Variants in NNT observed in about 807,000 individuals in gnomAD.
NNT encodes the protein NAD(P) transhydrogenase, mitochondrial.
In NNT, 50 loss-of-function variants were observed where a neutral mutation model predicts 104.8. The observed-to-expected ratio is 0.48, with a 90% CI of 0.38 to 0.60. The LOEUF is 0.60. Ranked by LOEUF, NNT falls within the 20% of genes least tolerant of loss-of-function variation. The pLI is 0.00. For missense variants in NNT, 1,131 were observed against 1,330.7 expected (o/e 0.85, Z 2.33); for synonymous variants, 461 against 490.4 (o/e 0.94, Z 0.79).
chr5:43,623,378 G>A (rs1011568255), intron 5 of NNT, among the ~76,000 whole-genome samples: 2 of 152,246 alleles, frequency 1.3e-5, no homozygotes, highest in East Asian at 3.9e-4. Context: ...CTTAGAAGGC[G>A]GGGGTAGGGG....
intron 3 of NNT, among the ~76,000 whole-genome samples, chr5:43,614,686 T>C (rs1749681566): frequency 6.6e-6 from 1 of 152,214 alleles, no homozygotes; most frequent in Admixed American, 6.5e-5. Context: ...ATTTAAAACA[T>C]AAGTCCCAGA....
At chr5:43,630,376 C>A (rs2111712508) in intron 7 of NNT, among the ~76,000 whole-genome samples, 1 of 152,204 alleles carries the variant, frequency 6.6e-6, no homozygotes, top group African/African-American at 2.4e-5. Context: ...AAATACAGAT[C>A]ATTTGAAGTT....
At chr5:43,668,240 G>A (rs1219985230) in intron 17 of NNT, among the ~76,000 whole-genome samples, 2 of 87,472 alleles carry the variant, frequency 2.3e-5, no homozygotes, top group African/African-American at 1.2e-4. Flanking sequence ...TCACTCTGAT[G>A]GTGGTTTTTT....
intron 19 of NNT, among the ~76,000 whole-genome samples, chr5:43,686,792 GC>G (rs1742013907): frequency 6.6e-6 from 1 of 152,054 alleles, no homozygotes; most frequent in South Asian, 2.1e-4. Flanking sequence ...TGTATGAAAA[GC>G]TTTTTATACA....
intron 17 of NNT, among the ~76,000 whole-genome samples, chr5:43,672,453 A>G (rs1314645903): frequency 6.6e-6 from 1 of 152,190 alleles, no homozygotes; most frequent in Non-Finnish European, 1.5e-5. Flanking sequence ...TGACGTACAG[A>G]TGAGGTTTTG....
At chr5:43,604,247 G>A (rs752569191) in intron 1 of NNT, among the ~76,000 whole-genome samples, 9 of 152,226 alleles carry the variant, frequency 5.9e-5, no homozygotes, top group Non-Finnish European at 1.3e-4. Context: ...TGGTCTGTTT[G>A]TCAGGAGTCT....
chr5:43,672,825 A>G (rs1233343436), intron 17 of NNT, among the ~76,000 whole-genome samples: 2 of 152,232 alleles, frequency 1.3e-5, no homozygotes, highest in African/African-American at 2.4e-5. Context: ...AGACAGGGAC[A>G]TGTAAGTCTG....
intron 19 of NNT, among the ~76,000 whole-genome samples, chr5:43,680,620 G>A (rs1741653950): frequency 6.6e-6 from 1 of 152,142 alleles, no homozygotes; most frequent in Non-Finnish European, 1.5e-5. Flanking sequence ...TGGCTTCATG[G>A]CCCATGATTG....
At chr5:43,634,987 G>T (rs1242332494) in intron 7 of NNT, among the ~76,000 whole-genome samples, 13 of 152,186 alleles carry the variant, frequency 8.5e-5, no homozygotes, top group Admixed American at 8.5e-4. Flanking sequence ...CTTTCCCTGG[G>T]TTGTAAAGGA....
chr5:43,679,273 G>A (rs1249429066), intron 19 of NNT, among the ~76,000 whole-genome samples: 2 of 152,206 alleles, frequency 1.3e-5, no homozygotes, highest in African/African-American at 2.4e-5. Flanking sequence ...TAGTCCAGAT[G>A]TGAAAAAGTG....
chr5:43,621,003 T>C (rs1750058350), intron 5 of NNT, among the ~76,000 whole-genome samples: 1 of 152,246 alleles, frequency 6.6e-6, no homozygotes, highest in South Asian at 2.1e-4. Flanking sequence ...AAAATTTAAA[T>C]TGCAGCTTAA....
intron 19 of NNT, among the ~76,000 whole-genome samples, chr5:43,696,956 A>C (rs1386912041): frequency 6.6e-6 from 1 of 152,178 alleles, no homozygotes; most frequent in Non-Finnish European, 1.5e-5. Flanking sequence ...GGCCTGTTGC[A>C]AAGGTCGCTG....
chr5:43,650,198 TA>T (rs758137946), intron 11 of NNT, among the ~76,000 whole-genome samples: 30 of 152,254 alleles, frequency 2.0e-4, no homozygotes, highest in Non-Finnish European at 3.8e-4. Context: ...GCTAGAAAGT[TA>T]AAAGAAAGTC....
intron 1 of NNT, among the ~76,000 whole-genome samples, chr5:43,604,580 C>G (rs1561255708): frequency 6.6e-6 from 1 of 152,162 alleles, no homozygotes; most frequent in Non-Finnish European, 1.5e-5. Context: ...CTGACTTCCT[C>G]TGTGTTGTGC....
chr5:43,629,219 A>G (rs145278679), intron 7 of NNT, among the ~76,000 whole-genome samples: 4 of 152,138 alleles, frequency 2.6e-5, no homozygotes, highest in African/African-American at 9.6e-5. Context: ...TCCACTTTTA[A>G]CAATGTTTAG....
At chr5:43,619,950 C>G (rs1466590956) in intron 5 of NNT, among the ~76,000 whole-genome samples, 1 of 152,038 alleles carries the variant, frequency 6.6e-6, no homozygotes, top group Non-Finnish European at 1.5e-5. Flanking sequence ...GAGAGAGAAA[C>G]TGAGGGAGCC....
chr5:43,700,090 G>T, intron 19 of NNT, 29 bp from the exon 20 acceptor site: 1 of 1,567,138 alleles, frequency 6.4e-7, no homozygotes, highest in Non-Finnish European at 8.8e-7. Flanking sequence ...TGTCAAGTAA[G>T]GCCAGCTCTT....
chr5:43,696,285 G>C (rs569337944), intron 19 of NNT, among the ~76,000 whole-genome samples: 1 of 152,096 alleles, frequency 6.6e-6, no homozygotes, highest in African/African-American at 2.4e-5. Flanking sequence ...AATCCAGCAG[G>C]GCAATCAAAT....
intron 19 of NNT, among the ~76,000 whole-genome samples, chr5:43,689,853 T>C (rs983874763): frequency 1.3e-5 from 2 of 151,970 alleles, no homozygotes; most frequent in Admixed American, 6.5e-5. Context: ...AGGACACAGA[T>C]AGAGAAATGT....
Sources: gnomAD v4.1 joint callset for allele counts (sites outside exome capture counted in the v4.1 genomes callset) on GRCh38, gnomAD v4.1.1 for gene constraint, MANE v1.5 for transcripts, NCBI Gene and HGNC (gene_info 2026-07-23, HGNC 2026-07-21) for gene names.